CTNNBL1: variants seen among roughly 807,000 people sequenced by gnomAD.
The protein encoded by CTNNBL1 is catenin beta like 1, also known as beta-catenin-like protein 1.
A neutral mutation model predicts 72.7 loss-of-function variants in CTNNBL1; 31 were observed. The observed-to-expected ratio is 0.43, with a 90% CI of 0.32 to 0.58. CTNNBL1 has a LOEUF of 0.58. CTNNBL1 is among the 20% of genes least tolerant of loss of function. The pLI is 0.08. For missense variants in CTNNBL1, 534 were observed against 725.1 expected (o/e 0.74, Z 3.03); for synonymous variants, 240 against 267.3 (o/e 0.90, Z 1.00).
rs137912341 is a variant in CTNNBL1 at position 37,790,306 on chromosome 20, G to T, written c.1031+10971G>T. On this transcript the variant is annotated intron_variant, in intron 10 of 15. Transcript: ENST00000361383. Reference sequence around the variant, plus strand: ...GAACATCGGAAGGTCCAAACAATATGGCATTTTATTCTTGTCATCCTTTAC... The same window carrying T: ...GAACATCGGAAGGTCCAAACAATATTGCATTTTATTCTTGTCATCCTTTAC... Among the ~76,000 whole-genome samples, 491 of 152,186 alleles carry T rather than the reference G, an allele frequency of 3.2e-3. 7 individuals carry two copies. The highest frequency in any genetic ancestry group is 0.011 in the African/African-American group (442 of 41,516).
intron 7 of CTNNBL1, among the ~76,000 whole-genome samples, chr20:37,771,761 T>C (rs2073526641): frequency 6.6e-6 from 1 of 152,204 alleles, no homozygotes; most frequent in Non-Finnish European, 1.5e-5. Flanking sequence ...CTATCACTTT[T>C]AGAACTGAAA....
chr20:37,771,710 C>G (rs1015940511), intron 7 of CTNNBL1, among the ~76,000 whole-genome samples: 3 of 152,150 alleles, frequency 2.0e-5, no homozygotes, highest in African/African-American at 7.2e-5. Context: ...TTTACACACC[C>G]TTCGTGAAAC....
chr20:37,811,017 A>T (rs2072007929), intron 11 of CTNNBL1, among the ~76,000 whole-genome samples: 1 of 152,360 alleles, frequency 6.6e-6, no homozygotes, highest in South Asian at 2.1e-4. Context: ...CTGTTTCATT[A>T]GTATTAGTGG....
intron 11 of CTNNBL1, among the ~76,000 whole-genome samples, chr20:37,833,149 G>A (rs2072225702): frequency 6.6e-6 from 1 of 152,160 alleles, no homozygotes; most frequent in Non-Finnish European, 1.5e-5. Context: ...TTCCTTCTCA[G>A]GGCTATTGTT....
Position 37,722,780 on chromosome 20 carries a change from G to C in CTNNBL1, c.31-10099G>C, listed in dbSNP as rs6125988. On this transcript the variant is annotated intron_variant, in intron 1 of 15. Coordinates refer to ENST00000361383, the MANE Select transcript of CTNNBL1 (RefSeq NM_030877.5). ...TTACCACTAGAACCCAGATTTTTCT[G>C]ATTTTTGGTTTGCTGCTGTTTGCAT... Among the ~76,000 whole-genome samples the C allele has an allele frequency of 2.8e-3, 430 of 152,256 alleles. 5 individuals carry two copies. The highest frequency in any genetic ancestry group is 0.017 in the East Asian group (89 of 5,180).
At chr20:37,743,920 T>C (rs2073240037) in intron 3 of CTNNBL1, among the ~76,000 whole-genome samples, 1 of 151,668 alleles carries the variant, frequency 6.6e-6, no homozygotes, top group Non-Finnish European at 1.5e-5. Flanking sequence ...ACATGTAAAA[T>C]AGAGTTCATA....
chr20:37,828,137 T>C (rs1022009809), intron 11 of CTNNBL1, among the ~76,000 whole-genome samples: 9 of 152,224 alleles, frequency 5.9e-5, no homozygotes, highest in Non-Finnish European at 8.8e-5. Context: ...ACATTCAGCA[T>C]TCGTTGAACT....
chr20:37,854,043 G>A lies in CTNNBL1; in HGVS notation c.1393-5856G>A, dbSNP rs577993820. Among the ~76,000 whole-genome samples the A allele has an allele frequency of 3.2e-4, 48 of 152,184 alleles. No homozygotes were observed. In the South Asian group the frequency reaches 9.3e-3, roughly 30 times the overall value. The stretch of plus-strand genomic sequence containing the variant: ...CCTTTCTTGGAGATGAGCTATAGTC[G>A]TATCTCAGATCTACATTTGAAAATT... On this transcript the variant is annotated intron_variant, in intron 13 of 15. Coordinates refer to ENST00000361383, the MANE Select transcript of CTNNBL1 (RefSeq NM_030877.5).
chr20:37,782,580 T>C (rs1203284559), intron 10 of CTNNBL1, among the ~76,000 whole-genome samples: 1 of 152,222 alleles, frequency 6.6e-6, no homozygotes, highest in Non-Finnish European at 1.5e-5. Flanking sequence ...TTGTAGTAGC[T>C]ACCACATTTA....
chr20:37,731,313 G>T (rs1047922695), intron 1 of CTNNBL1, among the ~76,000 whole-genome samples: 1 of 151,272 alleles, frequency 6.6e-6, no homozygotes, highest in Non-Finnish European at 1.5e-5. Flanking sequence ...TCGGCTCACC[G>T]CAACCTCTGC....
At chr20:37,772,506 A>G (rs2073534325) in intron 7 of CTNNBL1, among the ~76,000 whole-genome samples, 2 of 152,068 alleles carry the variant, frequency 1.3e-5, no homozygotes, top group African/African-American at 2.4e-5. Flanking sequence ...CCGCCACCAC[A>G]TCCGGCTAAT....
chr20:37,833,610 C>T (rs2072230671), intron 11 of CTNNBL1, among the ~76,000 whole-genome samples: 2 of 152,114 alleles, frequency 1.3e-5, no homozygotes, highest in South Asian at 2.1e-4. Context: ...GTGTTTTCTG[C>T]ACTTCCTGGG....
chr20:37,804,213 C>G (rs750804975), intron 11 of CTNNBL1, among the ~76,000 whole-genome samples: 1 of 152,132 alleles, frequency 6.6e-6, no homozygotes, highest in African/African-American at 2.4e-5. Flanking sequence ...ATGTTAACCC[C>G]GTGCTAGATT....
intron 3 of CTNNBL1, among the ~76,000 whole-genome samples, chr20:37,742,676 T>TA (rs1335209341): frequency 1.3e-5 from 2 of 152,106 alleles, no homozygotes; most frequent in African/African-American, 4.8e-5. Flanking sequence ...TTGTGTCATA[T>TA]AACATTTTTT....
rs200142358 is a variant in CTNNBL1 at position 37,832,790 on chromosome 20, CTTTT to C, written c.1214-7300_1214-7297del. ...AACACCTGCTGGAATGTGGACCATA[CTTTT>C]TTTTTTTTTTTGAGAGTAGGGATGA... On this transcript the variant is annotated intron_variant, in intron 11 of 15. Transcript: ENST00000361383. Among the ~76,000 whole-genome samples, 117 of 148,180 alleles carry C rather than the reference CTTTT, an allele frequency of 7.9e-4. 3 individuals carry two copies. The East Asian group carries it at 0.022, about 27-fold the overall frequency.
intron 7 of CTNNBL1, among the ~76,000 whole-genome samples, chr20:37,773,967 T>TG (rs1215909062): frequency 6.9e-6 from 1 of 143,966 alleles, no homozygotes; most frequent in Non-Finnish European, 1.5e-5. Context: ...CAGGCCAGAG[T>TG]GTTGGTGCCA....
intron 7 of CTNNBL1, among the ~76,000 whole-genome samples, chr20:37,768,464 T>C (rs2073491469): frequency 6.6e-6 from 1 of 152,224 alleles, no homozygotes; most frequent in South Asian, 2.1e-4. Flanking sequence ...ACTGAACTAA[T>C]TATTGCCTAG....
intron 11 of CTNNBL1, among the ~76,000 whole-genome samples, chr20:37,803,747 G>A (rs2073841651): frequency 6.6e-6 from 1 of 152,224 alleles, no homozygotes. Flanking sequence ...TAAAGTGTGG[G>A]GAGCGGGTGG....
chr20:37,695,478 G>A (rs912021070), intron 1 of CTNNBL1, among the ~76,000 whole-genome samples: 17 of 152,114 alleles, frequency 1.1e-4, no homozygotes, highest in African/African-American at 4.1e-4. Flanking sequence ...ACAGGTATGA[G>A]CCACCACACA....
Sources: allele counts gnomAD v4.1 joint callset (sites outside exome capture counted in the v4.1 genomes callset), GRCh38; gene constraint gnomAD v4.1.1; transcripts MANE v1.5; gene names NCBI Gene and HGNC (gene_info 2026-07-23, HGNC 2026-07-21).